Variants in MBNL2 observed in about 807,000 individuals in gnomAD.
MBNL2 encodes muscleblind-like protein 2.
MBNL2 carries 17 observed loss-of-function variants against 41.9 expected under a neutral mutation model. The ratio of observed to expected loss-of-function variants is 0.41; its 90% confidence interval spans 0.28 to 0.61. MBNL2 has a LOEUF of 0.61. MBNL2 is among the 20% of genes least tolerant of loss of function. The pLI is 0.35. For missense variants in MBNL2, 336 were observed against 505.6 expected, an observed-to-expected ratio of 0.66 and a Z score of 3.22; for synonymous variants, 195 against 182.9, an observed-to-expected ratio of 1.07 and a Z score of -0.53.
chr13:97,319,479 CT>C (rs1256526620), intron 2 of MBNL2, among the ~76,000 whole-genome samples: 1 of 152,198 alleles, frequency 6.6e-6, no homozygotes, highest in Non-Finnish European at 1.5e-5. Context: ...GGCCTCTCCC[CT>C]GTCCTCCTCC....
chr13:97,212,921 A>C, the MBNL2 span, among the ~76,000 whole-genome samples: 1 of 152,172 alleles, frequency 6.6e-6, no homozygotes, highest in Non-Finnish European at 1.5e-5. Flanking sequence ...AGTTATGCCC[A>C]TAGGTCACTA....
At chr13:97,342,356 A>G (rs2061508552) in intron 3 of MBNL2, among the ~76,000 whole-genome samples, 1 of 152,186 alleles carries the variant, frequency 6.6e-6, no homozygotes, top group South Asian at 2.1e-4. Flanking sequence ...TTAATGGCCA[A>G]TCACAATATT....
At chr13:97,317,003 A>G (rs1393236669) in intron 2 of MBNL2, among the ~76,000 whole-genome samples, 3 of 152,172 alleles carry the variant, frequency 2.0e-5, no homozygotes, top group African/African-American at 7.2e-5. Context: ...AGCAGAGGGT[A>G]TAGGAAGTAG....
intron 2 of MBNL2, among the ~76,000 whole-genome samples, chr13:97,302,099 A>G (rs959421916): frequency 2.6e-5 from 4 of 152,134 alleles, no homozygotes; most frequent in African/African-American, 4.8e-5. Context: ...TCCTGCAACT[A>G]TCTCCCCTTG....
chr13:97,386,167 T>C (rs1458728666), intron 8 of MBNL2, among the ~76,000 whole-genome samples: 1 of 152,250 alleles, frequency 6.6e-6, no homozygotes, highest in African/African-American at 2.4e-5. Flanking sequence ...CCTGTAAACC[T>C]GCTCTCCTGG....
the MBNL2 span, among the ~76,000 whole-genome samples, chr13:97,194,514 C>T: frequency 1.2e-4 from 19 of 152,150 alleles, no homozygotes; most frequent in Non-Finnish European, 8.8e-5. Context: ...AGAGGCATTC[C>T]GACCATAGCA....
intron 1 of MBNL2, among the ~76,000 whole-genome samples, chr13:97,258,047 G>A (rs558198853): frequency 3.0e-3 from 460 of 152,238 alleles, no homozygotes; most frequent in Non-Finnish European, 5.4e-3. Flanking sequence ...TCTGAGGAGC[G>A]CCCCCCGTCT....
At chr13:97,373,719 A>G (rs551729665) in intron 8 of MBNL2, among the ~76,000 whole-genome samples, 2 of 152,026 alleles carry the variant, frequency 1.3e-5, no homozygotes, top group African/African-American at 4.8e-5. Flanking sequence ...TTTCTCTTCA[A>G]GAAATTAGAA....
At chr13:97,332,518 G>A (rs2060514017) in intron 2 of MBNL2, among the ~76,000 whole-genome samples, 1 of 152,182 alleles carries the variant, frequency 6.6e-6, no homozygotes, top group African/African-American at 2.4e-5. Flanking sequence ...CCTGAAGCAA[G>A]TTGACAGGGC....
At chr13:97,351,672 G>C (rs2062473207) in intron 5 of MBNL2, among the ~76,000 whole-genome samples, 1 of 152,128 alleles carries the variant, frequency 6.6e-6, no homozygotes. Flanking sequence ...CTTTTCTTTT[G>C]TAGCTTCCTG....
chr13:97,390,584 C>T (rs1230562661), intron 8 of MBNL2, among the ~76,000 whole-genome samples: 1 of 152,124 alleles, frequency 6.6e-6, no homozygotes, highest in Non-Finnish European at 1.5e-5. Flanking sequence ...GGGCCAAGTT[C>T]CTTCTCCTTT....
At chr13:97,327,559 G>GA (rs1439325079) in intron 2 of MBNL2, among the ~76,000 whole-genome samples, 1 of 24,988 alleles carries the variant, frequency 4.0e-5, no homozygotes, top group South Asian at 1.2e-3. Flanking sequence ...TACGTTATTT[G>GA]TAAAAAAAAA....
chr13:97,376,006 T>C (rs2064932498), intron 8 of MBNL2, among the ~76,000 whole-genome samples: 1 of 151,916 alleles, frequency 6.6e-6, no homozygotes. Context: ...AAGTGCAGGA[T>C]GAGAACAGGA....
intron 2 of MBNL2, among the ~76,000 whole-genome samples, chr13:97,284,835 G>A (rs1275084927): frequency 6.6e-6 from 1 of 152,160 alleles, no homozygotes; most frequent in Non-Finnish European, 1.5e-5. Context: ...ATAATTCATG[G>A]AGAAAAATAG....
chr13:97,336,858 C>T (rs2060928414), intron 3 of MBNL2, among the ~76,000 whole-genome samples: 1 of 152,174 alleles, frequency 6.6e-6, no homozygotes, highest in African/African-American at 2.4e-5. Flanking sequence ...TAAAGAGAGT[C>T]AAGTATCATT....
At chr13:97,176,759 C>CGGT in the MBNL2 span, among the ~76,000 whole-genome samples, 17 of 152,214 alleles carry the variant, frequency 1.1e-4, no homozygotes, top group African/African-American at 3.9e-4. Flanking sequence ...TAGCCTTTTC[C>CGGT]TACCTCCCAG....
upstream of MBNL2, among the ~76,000 whole-genome samples, chr13:97,217,819 A>G (rs1302247869): frequency 2.0e-5 from 3 of 152,084 alleles, no homozygotes; most frequent in Non-Finnish European, 4.4e-5. Context: ...GTGAGGGGCA[A>G]AATTGGAGGC....
the MBNL2 span, among the ~76,000 whole-genome samples, chr13:97,161,711 T>A: frequency 6.6e-6 from 1 of 152,208 alleles, no homozygotes; most frequent in African/African-American, 2.4e-5. Flanking sequence ...TGATAGAATA[T>A]AAACATTCCT....
chr13:97,316,906 T>C (rs1400531599), intron 2 of MBNL2, among the ~76,000 whole-genome samples: 1 of 152,198 alleles, frequency 6.6e-6, no homozygotes, highest in Non-Finnish European at 1.5e-5. Context: ...GTGAGTTTTG[T>C]TGTTGATATC....
Sources: allele counts gnomAD v4.1 joint callset (sites outside exome capture counted in the v4.1 genomes callset), GRCh38; gene constraint gnomAD v4.1.1; transcripts MANE v1.5; gene names NCBI Gene and HGNC (gene_info 2026-07-23, HGNC 2026-07-21).